Variants in CTTNBP2NL observed in about 807,000 individuals in gnomAD.
The protein encoded by CTTNBP2NL is CTTNBP2 N-terminal like, also known as CTTNBP2 N-terminal-like protein.
CTTNBP2NL carries 16 observed loss-of-function variants against 32.5 expected under a neutral mutation model. The ratio of observed to expected loss-of-function variants is 0.49; its 90% CI spans 0.33 to 0.75. The LOEUF is 0.75. CTTNBP2NL is among the 30% of genes least tolerant of loss of function. The probability of loss-of-function intolerance (pLI) is 0.02; values close to 1 mark genes in which losing one functional copy is unlikely to be tolerated. For synonymous variants in CTTNBP2NL, 298 were observed against 289.4 expected (o/e 1.03, Z -0.30); for missense variants, 645 against 756.0 (o/e 0.85, Z 1.72).
At chr1:112,435,945 T>G (rs1649713869) in intron 3 of CTTNBP2NL, among the ~76,000 whole-genome samples, 1 of 152,170 alleles carries the variant, frequency 6.6e-6, no homozygotes, top group Admixed American at 6.5e-5. Context: ...AAAATATTAT[T>G]TCCCAGACTT....
At chr1:112,427,514 G>A (rs554257857) in intron 3 of CTTNBP2NL, among the ~76,000 whole-genome samples, 8 of 152,256 alleles carry the variant, frequency 5.3e-5, no homozygotes, top group Non-Finnish European at 7.4e-5. Context: ...ATCCATTTAC[G>A]AAACATTTTG....
chr1:112,425,644 A>G (rs991132775), intron 3 of CTTNBP2NL, among the ~76,000 whole-genome samples: 4 of 151,750 alleles, frequency 2.6e-5, no homozygotes, highest in African/African-American at 9.7e-5. Context: ...TGGGTGGATC[A>G]TTCAAGTCCA....
intron 1 of CTTNBP2NL, among the ~76,000 whole-genome samples, chr1:112,403,069 C>T (rs1263133934): frequency 6.6e-6 from 1 of 152,186 alleles, no homozygotes; most frequent in Non-Finnish European, 1.5e-5. Flanking sequence ...CCGTCATTTA[C>T]TGTAAGTAAA....
At chr1:112,433,151 A>G (rs1649618383) in intron 3 of CTTNBP2NL, among the ~76,000 whole-genome samples, 1 of 152,168 alleles carries the variant, frequency 6.6e-6, no homozygotes, top group African/African-American at 2.4e-5. Context: ...AATCTACTAT[A>G]GCACTTTTCA....
intron 3 of CTTNBP2NL, among the ~76,000 whole-genome samples, chr1:112,427,763 G>A (rs1211629462): frequency 6.6e-6 from 1 of 152,050 alleles, no homozygotes; most frequent in Non-Finnish European, 1.5e-5. Flanking sequence ...AGACATGGTG[G>A]CATGCACCTG....
intron 3 of CTTNBP2NL, among the ~76,000 whole-genome samples, chr1:112,427,102 A>G (rs2101012311): frequency 6.6e-6 from 1 of 152,344 alleles, no homozygotes; most frequent in Admixed American, 6.5e-5. Context: ...TATACCTGAT[A>G]GAATATTATT....
intron 3 of CTTNBP2NL, among the ~76,000 whole-genome samples, chr1:112,437,046 G>A (rs748563606): frequency 1.3e-5 from 2 of 152,164 alleles, no homozygotes; most frequent in Non-Finnish European, 2.9e-5. Context: ...GTCTACCACT[G>A]TAGGCACTTA....
At chr1:112,451,972 A>G (rs1164776137) in intron 4 of CTTNBP2NL, among the ~76,000 whole-genome samples, 1 of 152,010 alleles carries the variant, frequency 6.6e-6, no homozygotes, top group East Asian at 1.9e-4. Flanking sequence ...CTTCTTCAAA[A>G]TATTATTAAA....
At chr1:112,424,353 C>G (rs1324797788) in intron 3 of CTTNBP2NL, among the ~76,000 whole-genome samples, 2 of 152,134 alleles carry the variant, frequency 1.3e-5, no homozygotes, top group African/African-American at 4.8e-5. Context: ...GTGTTTATTT[C>G]TAGACCCTCT....
rs1236285564 is a variant in CTTNBP2NL, at chr1:112,459,034, A to AG, written c.*1622_*1623insG. The stretch of plus-strand genomic sequence containing the variant: ...TAAACCAGGATTACCAGTTCTTCAC[A>AG]TTTTTTGAAATCCAAATTTTCATGA... On this transcript the variant is annotated 3_prime_UTR_variant, in exon 6 of 6. Transcript: ENST00000271277. 1 of 152,212 alleles carries AG rather than the reference A, an allele frequency of 6.6e-6. No homozygotes were observed. Among genetic ancestry groups the AG allele is most frequent in the African/African-American group, 2.4e-5 (1 of 41,458 alleles). 9.4% of individuals were successfully genotyped at this position (152,212 alleles called of 1,614,324 possible).
chr1:112,394,642 T>C (rs937694840), upstream of CTTNBP2NL, among the ~76,000 whole-genome samples: 7 of 152,158 alleles, frequency 4.6e-5, no homozygotes, highest in African/African-American at 1.7e-4. Flanking sequence ...ATCCTTCATA[T>C]ACAGAGATGA....
intron 1 of CTTNBP2NL, among the ~76,000 whole-genome samples, chr1:112,410,777 G>A (rs539438099): frequency 6.6e-6 from 1 of 152,156 alleles, no homozygotes; most frequent in South Asian, 2.1e-4. Context: ...AGATAAGTAG[G>A]GAATGAGTCC....
At chr1:112,392,671 A>G (rs1006245488), upstream of CTTNBP2NL, among the ~76,000 whole-genome samples, 1 of 152,022 alleles carries the variant, frequency 6.6e-6, no homozygotes, top group African/African-American at 2.4e-5. Context: ...AGAAGAGGAG[A>G]GGACATACAG....
intron 1 of CTTNBP2NL, among the ~76,000 whole-genome samples, chr1:112,401,035 C>T (rs999257328): frequency 2.0e-5 from 3 of 149,012 alleles, no homozygotes; most frequent in Non-Finnish European, 3.0e-5. Context: ...TATCACAAAG[C>T]AAGGTACCCA....
chr1:112,436,280 C>G (rs1286724212), intron 3 of CTTNBP2NL, among the ~76,000 whole-genome samples: 1 of 152,080 alleles, frequency 6.6e-6, no homozygotes, highest in African/African-American at 2.4e-5. Flanking sequence ...CACCCCAGAC[C>G]TAGAAATCAT....
chr1:112,442,278 A>C (rs915192676), intron 3 of CTTNBP2NL, among the ~76,000 whole-genome samples: 1 of 152,188 alleles, frequency 6.6e-6, no homozygotes, highest in Non-Finnish European at 1.5e-5. Context: ...ATGTGCCGCC[A>C]TGCCTGGCTA....
Position 112,454,554 on chromosome 1 carries a change from C to T in CTTNBP2NL, c.436C>T (p.Gln146Ter). ...LEKERERLTQ[Q>*]LEFEKSQVKK... ...GAAGGAAAGAGAGAGGCTGACTCAA[C>T]AGGTAATTAAGGTAGAGGGATTCAC... The change falls in exon 5 of 6, where the codon CAG becomes TAG. Residue 146 changes from glutamine (Q) to a stop codon, truncating the protein, a stop_gained and splice_region_variant. Coordinates refer to ENST00000271277, the MANE Select transcript of CTTNBP2NL (RefSeq NM_018704.3). LOFTEE classifies it high-confidence loss of function. 1 of 1,600,818 alleles carries T rather than the reference C, an allele frequency of 6.2e-7. No individual in the cohort carries two copies. Among genetic ancestry groups the T allele is most frequent in the Non-Finnish European group, 8.6e-7 (1 of 1,167,912 alleles).
intron 3 of CTTNBP2NL, among the ~76,000 whole-genome samples, chr1:112,435,338 A>G (rs1047007976): frequency 6.6e-6 from 1 of 151,842 alleles, no homozygotes; most frequent in Non-Finnish European, 1.5e-5. Context: ...TATTTTTTTC[A>G]CTAAATGTAA....
chr1:112,432,066 ATTTTTTTTT>A (rs11440212), intron 3 of CTTNBP2NL, among the ~76,000 whole-genome samples: 1 of 91,050 alleles, frequency 1.1e-5, no homozygotes, highest in African/African-American at 4.5e-5. Flanking sequence ...ATATATTTTG[ATTTTTTTTT>A]TTTTTTTTTT....
Sources: allele counts gnomAD v4.1 joint callset (sites outside exome capture counted in the v4.1 genomes callset), GRCh38; gene constraint gnomAD v4.1.1; transcripts MANE v1.5; gene names NCBI Gene and HGNC (gene_info 2026-07-23, HGNC 2026-07-21).